PREX2: variants seen among roughly 807,000 people sequenced by gnomAD.
PREX2 encodes phosphatidylinositol-3,4,5-trisphosphate dependent Rac exchange factor 2.
In PREX2, 107 loss-of-function variants were observed where a neutral mutation model predicts 203.2. The observed-to-expected ratio is 0.53, with a 90% CI of 0.45 to 0.62. The LOEUF is 0.62. Ranked by LOEUF, PREX2 falls within the 20% of genes least tolerant of loss-of-function variation. The pLI is 0.00. For missense variants in PREX2, 1,777 were observed against 1,955.9 expected (o/e 0.91, Z 1.72); for synonymous variants, 672 against 663.6 (o/e 1.01, Z -0.19).
At chr8:67,978,626 A>G (rs1183362274) in intron 1 of PREX2, among the ~76,000 whole-genome samples, 2 of 152,148 alleles carry the variant, frequency 1.3e-5, no homozygotes. Context: ...ATATTTGGGT[A>G]GTTTCCAGTT....
At chr8:67,989,243 A>C (rs1392483809) in intron 1 of PREX2, among the ~76,000 whole-genome samples, 1 of 152,202 alleles carries the variant, frequency 6.6e-6, no homozygotes, top group African/African-American at 2.4e-5. Flanking sequence ...AGACATTATA[A>C]TTTAGTGACT....
chr8:68,027,982 C>A (rs150775016), intron 5 of PREX2, among the ~76,000 whole-genome samples: 1 of 152,014 alleles, frequency 6.6e-6, no homozygotes, highest in African/African-American at 2.4e-5. Context: ...GTCAAGATGG[C>A]AATTTTTGAA....
chr8:68,128,706 C>G (rs1289249903), intron 31 of PREX2, among the ~76,000 whole-genome samples: 1 of 152,140 alleles, frequency 6.6e-6, no homozygotes, highest in Non-Finnish European at 1.5e-5. Context: ...AGCTTGCCAC[C>G]TTCTACTGGC....
intron 35 of PREX2, among the ~76,000 whole-genome samples, chr8:68,160,378 G>A (rs1811630899): frequency 6.6e-6 from 1 of 151,858 alleles, no homozygotes; most frequent in Non-Finnish European, 1.5e-5. Flanking sequence ...TTATGTCTGT[G>A]GCCTATAATA....
chr8:68,220,823 G>T (rs113381520), intron 38 of PREX2, among the ~76,000 whole-genome samples: 1 of 152,146 alleles, frequency 6.6e-6, no homozygotes, highest in African/African-American at 2.4e-5. Flanking sequence ...AGGGCTTCAT[G>T]CAGAAGATGA....
At chr8:68,086,693 C>T (rs75175954) in intron 18 of PREX2, among the ~76,000 whole-genome samples, 1,846 of 151,900 alleles carry the variant, frequency 0.012, 39 homozygotes, top group African/African-American at 0.041. Flanking sequence ...AATTGGACAC[C>T]CCTGACTGGT....
At chr8:68,016,219 A>T (rs764104849) in intron 1 of PREX2, among the ~76,000 whole-genome samples, 6 of 152,304 alleles carry the variant, frequency 3.9e-5, no homozygotes, top group Non-Finnish European at 7.4e-5. Context: ...GTTTTGGTAA[A>T]TGCCGCCTAC....
chr8:68,101,402 C>T (rs1194495114), intron 23 of PREX2: 1 of 518,840 alleles, frequency 1.9e-6, no homozygotes, highest in Non-Finnish European at 3.8e-6. Flanking sequence ...AAAAGTTACT[C>T]ACATGAAGAA....
chr8:68,010,423 CTGTTCTCTCTAG>C (rs1807224635), intron 1 of PREX2, among the ~76,000 whole-genome samples: 1 of 152,164 alleles, frequency 6.6e-6, no homozygotes, highest in Non-Finnish European at 1.5e-5. Flanking sequence ...CCCTTTAGTT[CTGTTCTCTCTAG>C]TGTTAATAAT....
chr8:68,083,514 A>G, intron 18 of PREX2, 126 bp downstream of exon 18: 3 of 586,614 alleles, frequency 5.1e-6, no homozygotes, highest in Non-Finnish European at 5.8e-6. Context: ...CCTCACCGGT[A>G]TCATTAATAC....
intron 10 of PREX2, among the ~76,000 whole-genome samples, chr8:68,056,527 G>A (rs1808684233): frequency 6.6e-6 from 1 of 152,102 alleles, no homozygotes. Context: ...AGTGTTGTTT[G>A]GTTCCTTTGG....
At chr8:68,205,974 C>T (rs1299954222) in intron 37 of PREX2, among the ~76,000 whole-genome samples, 2 of 152,044 alleles carry the variant, frequency 1.3e-5, no homozygotes, top group Non-Finnish European at 2.9e-5. Flanking sequence ...ATTTGGACCG[C>T]CTGAATTGAT....
intron 27 of PREX2, among the ~76,000 whole-genome samples, 156 bp from the exon 28 acceptor site, chr8:68,119,276 A>T (rs549579649): frequency 6.6e-6 from 1 of 152,186 alleles, no homozygotes; most frequent in Non-Finnish European, 1.5e-5. Flanking sequence ...GGAGCTATGA[A>T]ATCTTTTGGA....
intron 2 of PREX2, among the ~76,000 whole-genome samples, chr8:68,018,682 A>C (rs1807478907): frequency 6.6e-6 from 1 of 152,046 alleles, no homozygotes; most frequent in Non-Finnish European, 1.5e-5. Context: ...CAGACATATA[A>C]TCGTTTCTTT....
At chr8:68,001,586 A>G (rs1345317375) in intron 1 of PREX2, among the ~76,000 whole-genome samples, 1 of 152,166 alleles carries the variant, frequency 6.6e-6, no homozygotes, top group Non-Finnish European at 1.5e-5. Context: ...CAGCAATCTC[A>G]TTACTGGGTA....
intron 37 of PREX2, among the ~76,000 whole-genome samples, chr8:68,199,111 A>G (rs1327295118): frequency 1.3e-5 from 2 of 150,966 alleles, no homozygotes; most frequent in African/African-American, 2.4e-5. Context: ...TAGTGGCACC[A>G]TCAAGAAGGC....
chr8:68,154,475 C>T (rs1450353685), intron 34 of PREX2, among the ~76,000 whole-genome samples: 1 of 152,228 alleles, frequency 6.6e-6, no homozygotes, highest in Non-Finnish European at 1.5e-5. Flanking sequence ...TACTCTAATA[C>T]ATCAGCTTTC....
chr8:68,126,686 T>A (rs2129613236), intron 30 of PREX2, among the ~76,000 whole-genome samples: 1 of 152,206 alleles, frequency 6.6e-6, no homozygotes. Flanking sequence ...CTTTGTAAGT[T>A]TTTAAATTTA....
Position 68,090,672 on chromosome 8 carries a change from T to C in PREX2, c.2207T>C (p.Ile736Thr), listed in dbSNP as rs778708697. ...NVSKETHASV[I>T]AHVTACRKYR... ...AGCAAAGAGACACATGCCAGTGTCA[T>C]TGCACACGTTACAGCCTGCAGGAAG... Residue 736 changes from isoleucine to threonine, a missense_variant, in exon 20 of 40, where the codon ATT becomes ACT. Coordinates refer to ENST00000288368, the MANE Select transcript of PREX2 (RefSeq NM_024870.4). The C allele has an allele frequency of 3.7e-6, 6 of 1,613,906 alleles. No homozygotes were observed. The highest frequency in any genetic ancestry group is 2.7e-5 in the African/African-American group (2 of 74,928).
Sources: allele counts gnomAD v4.1 joint callset (sites outside exome capture counted in the v4.1 genomes callset), GRCh38; gene constraint gnomAD v4.1.1; transcripts MANE v1.5; gene names NCBI Gene and HGNC (gene_info 2026-07-23, HGNC 2026-07-21).